Variants in CHSY3 observed in about 807,000 individuals in gnomAD.
The protein encoded by CHSY3 is chondroitin sulfate synthase 3.
Under a neutral mutation model 67.2 loss-of-function variants are expected in CHSY3, and 35 were observed. The ratio of observed to expected loss-of-function variants is 0.52; its 90% CI spans 0.40 to 0.69. CHSY3 has a LOEUF of 0.69. CHSY3 is among the 30% of genes least tolerant of loss of function. The pLI, the probability that CHSY3 is intolerant of heterozygous loss-of-function variation, is 0.00. For missense variants in CHSY3, 1,069 were observed against 1,138.5 expected (o/e 0.94, Z 0.88); for synonymous variants, 474 against 434.7 (o/e 1.09, Z -1.12).
chr5:130,083,326 G>A (rs1766503620), intron 2 of CHSY3, among the ~76,000 whole-genome samples: 2 of 151,992 alleles, frequency 1.3e-5, no homozygotes, highest in South Asian at 2.1e-4. Context: ...AACAAAGCAA[G>A]TACTGAGCTG....
chr5:129,981,727 GT>G (rs1357858442), intron 2 of CHSY3, among the ~76,000 whole-genome samples: 1 of 152,030 alleles, frequency 6.6e-6, no homozygotes, highest in Non-Finnish European at 1.5e-5. Flanking sequence ...TCTTAGTAGA[GT>G]CCCAGCATGC....
rs1382663464 is a variant in CHSY3 at position 129,967,773 on chromosome 5, A to G, written c.1086+59413A>G. 4.6e-5 allele frequency among the ~76,000 whole-genome samples: 7 copies of G among 151,980 alleles called. No individual in the cohort carries two copies. The East Asian group carries it at 7.8e-4, about 17-fold the overall frequency. ...ACCTGACCATGTCCACAGACAGTAT[A>G]TACTTCATCTGGCAGTCATTAATTT... On this transcript the variant is annotated intron_variant, in intron 2 of 2. Coordinates refer to ENST00000305031, the MANE Select transcript of CHSY3 (RefSeq NM_175856.5).
chr5:130,126,680 T>G (rs79287873), intron 2 of CHSY3, among the ~76,000 whole-genome samples: 2,044 of 152,336 alleles, frequency 0.013, 50 homozygotes, highest in African/African-American at 0.047. Context: ...AGACTAAATC[T>G]TGAATGGTCG....
At chr5:130,044,548 ACT>A (rs1372628385) in intron 2 of CHSY3, among the ~76,000 whole-genome samples, 2 of 152,042 alleles carry the variant, frequency 1.3e-5, no homozygotes, top group East Asian at 1.9e-4. Context: ...GAAATAAGTG[ACT>A]CTAAAAGGGA....
At chr5:130,012,967 G>A (rs1219479768) in intron 2 of CHSY3, among the ~76,000 whole-genome samples, 1 of 151,912 alleles carries the variant, frequency 6.6e-6, no homozygotes, top group Non-Finnish European at 1.5e-5. Flanking sequence ...TCAAAAGCAA[G>A]TTTGTTACAT....
At chr5:130,127,848 GC>G (rs1304638246) in intron 2 of CHSY3, among the ~76,000 whole-genome samples, 1 of 152,056 alleles carries the variant, frequency 6.6e-6, no homozygotes, top group African/African-American at 2.4e-5. Flanking sequence ...TTATGATTAT[GC>G]ACTATTAGAG....
In CHSY3 at chr5:129,943,335, C is replaced by A. The variant is rs1580560780; in HGVS notation, c.1086+34975C>A. Among the ~76,000 whole-genome samples the A allele has an allele frequency of 3.3e-5, 5 of 152,252 alleles. 1 individual carries two copies. The highest frequency in any genetic ancestry group is 3.3e-4 in the Admixed American group (5 of 15,284). ...ATCAAATGTTGATCAAAAAATCATGCCGAACTCCAAAGAGCCTGTGCCATT... is the reference window on the plus strand; with the variant it reads ...ATCAAATGTTGATCAAAAAATCATGACGAACTCCAAAGAGCCTGTGCCATT... On this transcript the variant is annotated intron_variant, in intron 2 of 2. Coordinates refer to ENST00000305031, the MANE Select transcript of CHSY3 (RefSeq NM_175856.5).
At chr5:129,975,161 G>T (rs1561480717) in intron 2 of CHSY3, among the ~76,000 whole-genome samples, 1 of 151,998 alleles carries the variant, frequency 6.6e-6, no homozygotes, top group Non-Finnish European at 1.5e-5. Context: ...CACCAACATG[G>T]CACATGTATA....
intron 2 of CHSY3, among the ~76,000 whole-genome samples, chr5:130,079,921 T>C (rs1483393031): frequency 6.6e-6 from 1 of 152,008 alleles, no homozygotes; most frequent in Non-Finnish European, 1.5e-5. Flanking sequence ...CTTCTAATGA[T>C]CCAAGGGTCC....
At chr5:130,124,192 G>C (rs1393602191) in intron 2 of CHSY3, among the ~76,000 whole-genome samples, 1 of 152,068 alleles carries the variant, frequency 6.6e-6, no homozygotes, top group Non-Finnish European at 1.5e-5. Flanking sequence ...GATAACAACA[G>C]GATGTGAGCC....
At chr5:130,089,128 A>T (rs1766780825) in intron 2 of CHSY3, among the ~76,000 whole-genome samples, 1 of 150,078 alleles carries the variant, frequency 6.7e-6, no homozygotes, top group Non-Finnish European at 1.5e-5. Context: ...AAGGACAAAA[A>T]ACCAAACACT....
intron 2 of CHSY3, among the ~76,000 whole-genome samples, chr5:129,988,418 C>G (rs1763265740): frequency 6.6e-6 from 1 of 152,182 alleles, no homozygotes; most frequent in African/African-American, 2.4e-5. Flanking sequence ...AAGAATCAGA[C>G]AGTGGTAAGG....
intron 2 of CHSY3, among the ~76,000 whole-genome samples, chr5:129,970,663 G>A (rs1436179811): frequency 6.6e-6 from 1 of 151,800 alleles, no homozygotes; most frequent in Non-Finnish European, 1.5e-5. Context: ...ACACTGTTGT[G>A]TTTAATTTGA....
At chr5:130,003,648 A>T (rs1406661622) in intron 2 of CHSY3, among the ~76,000 whole-genome samples, 2 of 152,192 alleles carry the variant, frequency 1.3e-5, no homozygotes, top group Non-Finnish European at 2.9e-5. Context: ...TAATTAAAAA[A>T]AATAAGAAAG....
At chr5:130,088,762 A>G (rs1580721973) in intron 2 of CHSY3, among the ~76,000 whole-genome samples, 1 of 152,158 alleles carries the variant, frequency 6.6e-6, no homozygotes, top group East Asian at 1.9e-4. Flanking sequence ...GAACACTTTT[A>G]CATTGTTGGT....
chr5:130,010,277 C>T (rs1764016385), intron 2 of CHSY3, among the ~76,000 whole-genome samples: 1 of 152,120 alleles, frequency 6.6e-6, no homozygotes, highest in East Asian at 1.9e-4. Context: ...ATTATACCAG[C>T]CATACTCTTG....
intron 2 of CHSY3, among the ~76,000 whole-genome samples, chr5:130,133,728 C>G (rs147020985): frequency 0.049 from 6,616 of 134,106 alleles, 407 homozygotes; most frequent in East Asian, 0.29. Flanking sequence ...GCCAAGATCA[C>G]ACCACTGCAC....
At chr5:130,093,705 C>A (rs1766954157) in intron 2 of CHSY3, among the ~76,000 whole-genome samples, 1 of 152,092 alleles carries the variant, frequency 6.6e-6, no homozygotes, top group Non-Finnish European at 1.5e-5. Flanking sequence ...ATACTTTAGG[C>A]TTTACCTTCT....
At chr5:130,045,162 G>A (rs1765109368) in intron 2 of CHSY3, among the ~76,000 whole-genome samples, 1 of 151,920 alleles carries the variant, frequency 6.6e-6, no homozygotes, top group Non-Finnish European at 1.5e-5. Context: ...GTCAGTTTGG[G>A]TTTTTAATAG....
Sources: allele counts gnomAD v4.1 joint callset (sites outside exome capture counted in the v4.1 genomes callset), GRCh38; gene constraint gnomAD v4.1.1; transcripts MANE v1.5; gene names NCBI Gene and HGNC (gene_info 2026-07-23, HGNC 2026-07-21).